LRIG1: variants seen among roughly 807,000 people sequenced by gnomAD.
LRIG1 encodes leucine-rich repeats and immunoglobulin-like domains protein 1.
Under a neutral mutation model 99.2 loss-of-function variants are expected in LRIG1, and 48 were observed. The ratio of observed to expected loss-of-function variants is 0.48; its 90% CI spans 0.38 to 0.62. The LOEUF is 0.62. LRIG1 is among the 20% of genes least tolerant of loss of function. The pLI is 0.00. For synonymous variants in LRIG1, 772 were observed against 596.1 expected (o/e 1.29, Z -4.30); for missense variants, 1,646 against 1,434.4 (o/e 1.15, Z -2.38).
intron 1 of LRIG1, among the ~76,000 whole-genome samples, chr3:66,467,337 G>T (rs191923680): frequency 6.7e-6 from 1 of 150,102 alleles, no homozygotes; most frequent in East Asian, 1.9e-4. Flanking sequence ...TAAGAATTCA[G>T]TTCCTTGGCC....
At chr3:66,449,860 C>T (rs755823246) in intron 3 of LRIG1, among the ~76,000 whole-genome samples, 1 of 152,188 alleles carries the variant, frequency 6.6e-6, no homozygotes, top group Non-Finnish European at 1.5e-5. Context: ...AACTTGAACT[C>T]GTGGACAAAC....
intron 8 of LRIG1, chr3:66,406,239 TCTC>T (rs1390139304): frequency 6.1e-6 from 6 of 985,216 alleles, no homozygotes; most frequent in African/African-American, 3.5e-5. Flanking sequence ...GGAAGGGACT[TCTC>T]CTCTCAATGG....
intron 12 of LRIG1, 60 bp from the exon 13 acceptor site, chr3:66,386,361 G>T: frequency 7.1e-7 from 1 of 1,401,244 alleles, no homozygotes; most frequent in Admixed American, 1.8e-5. Flanking sequence ...GGAACCAGCT[G>T]CTGTTCATGC....
intron 3 of LRIG1, among the ~76,000 whole-genome samples, chr3:66,441,126 G>A (rs1703524815): frequency 6.6e-6 from 1 of 152,154 alleles, no homozygotes; most frequent in East Asian, 1.9e-4. Flanking sequence ...AGCTAGTTGG[G>A]CAGAAGCCAG....
At chr3:66,390,198 G>A (rs994096041) in intron 12 of LRIG1, among the ~76,000 whole-genome samples, 2 of 151,962 alleles carry the variant, frequency 1.3e-5, no homozygotes, top group Non-Finnish European at 2.9e-5. Context: ...CAAATGACAT[G>A]ATGATCACAT....
chr3:66,405,588 C>T (rs928838430), intron 8 of LRIG1, among the ~76,000 whole-genome samples: 4 of 152,198 alleles, frequency 2.6e-5, no homozygotes, highest in Non-Finnish European at 4.4e-5. Context: ...CCCGAGAGAG[C>T]GGACATCTGG....
chr3:66,388,394 C>CATACAAAT (rs1701483957), intron 12 of LRIG1, among the ~76,000 whole-genome samples: 1 of 151,632 alleles, frequency 6.6e-6, no homozygotes, highest in Non-Finnish European at 1.5e-5. Flanking sequence ...AGCACAACAA[C>CATACAAAT]ATACAAATCA....
At chr3:66,403,772 G>T (rs1559779728) in intron 9 of LRIG1, among the ~76,000 whole-genome samples, 2 of 152,310 alleles carry the variant, frequency 1.3e-5, no homozygotes, top group East Asian at 3.9e-4. Flanking sequence ...CCTCCGGACT[G>T]ACACGCCCCA....
intron 13 of LRIG1, among the ~76,000 whole-genome samples, chr3:66,385,522 G>A (rs1459782797): frequency 2.0e-5 from 3 of 151,974 alleles, no homozygotes; most frequent in Admixed American, 6.6e-5. Flanking sequence ...GAGTGATCTC[G>A]GCTCACTGCA....
chr3:66,424,834 G>C (rs905677495), intron 3 of LRIG1, among the ~76,000 whole-genome samples: 2 of 152,152 alleles, frequency 1.3e-5, no homozygotes, highest in African/African-American at 4.8e-5. Flanking sequence ...TTTCCACTCA[G>C]TGTTCAATAA....
chr3:66,428,464 G>T (rs1703052460), intron 3 of LRIG1, among the ~76,000 whole-genome samples: 2 of 151,808 alleles, frequency 1.3e-5, no homozygotes, highest in Admixed American at 1.3e-4. Context: ...ATAAGTGAGG[G>T]CCTAATGATC....
chr3:66,420,394 GA>G (rs1702763970), intron 3 of LRIG1, among the ~76,000 whole-genome samples: 1 of 152,180 alleles, frequency 6.6e-6, no homozygotes, highest in Admixed American at 6.5e-5. Context: ...ACCTGCAGAA[GA>G]AGACATTATG....
At position 66,407,491 on chromosome 3, in the gene LRIG1, C is replaced by G; in HGVS notation, c.936G>C (p.Leu312Phe). ...GWSFCQKLHE[L>F]VLSFNNLTRL... ...GTGTCAGGTTGTTGAAGGACAGGAC[C>G]CTGAGGAAAGGGAGGGCAGCAATGT... is the stretch of plus-strand genomic sequence containing the variant. Residue 312 changes from leucine (L) to phenylalanine (F), a missense_variant and splice_region_variant, in exon 8 of 19, where the codon TTG (leucine) becomes TTC (phenylalanine). Coordinates refer to ENST00000273261, the MANE Select transcript of LRIG1 (RefSeq NM_015541.3). 6.2e-7 allele frequency: 1 copy of G among 1,613,816 alleles called. No individual in the cohort carries two copies. Among genetic ancestry groups the G allele is most frequent in the African/African-American group, 1.3e-5 (1 of 75,030 alleles).
chr3:66,418,497 C>T (rs371053513), intron 3 of LRIG1, among the ~76,000 whole-genome samples: 4 of 152,334 alleles, frequency 2.6e-5, no homozygotes, highest in South Asian at 4.1e-4. Flanking sequence ...GGTAGCTAAC[C>T]GCCCTGTTGT....
intron 1 of LRIG1, among the ~76,000 whole-genome samples, chr3:66,486,813 T>C (rs1700985405): frequency 6.6e-6 from 1 of 152,226 alleles, no homozygotes; most frequent in South Asian, 2.1e-4. Flanking sequence ...ACACTGTAAC[T>C]TTACGCTTTT....
At chr3:66,460,030 C>A (rs574847624) in intron 2 of LRIG1, among the ~76,000 whole-genome samples, 1 of 151,450 alleles carries the variant, frequency 6.6e-6, no homozygotes, top group East Asian at 1.9e-4. Context: ...ATCAAAATAC[C>A]CTTTATCTTG....
In LRIG1 at chr3:66,415,077, G is replaced by C. The variant is rs1291504094; in HGVS notation, c.504-14C>G. 3.8e-6 allele frequency: 6 copies of C among 1,585,176 alleles called. No homozygotes were observed. Among genetic ancestry groups the C allele is most frequent in the African/African-American group, 2.7e-5 (2 of 73,782 alleles). On this transcript the variant is annotated splice_polypyrimidine_tract_variant and intron_variant, in intron 4 of 18. Coordinates refer to ENST00000273261, the MANE Select transcript of LRIG1 (RefSeq NM_015541.3). ...CCTGCCAGGTTGCTGGAATGATTCAGAAAAGAAAATGTGGTGGTTGGTCAA... is the reference window on the plus strand; with the variant it reads ...CCTGCCAGGTTGCTGGAATGATTCACAAAAGAAAATGTGGTGGTTGGTCAA...
At chr3:66,468,435 G>A (rs114414927) in intron 1 of LRIG1, among the ~76,000 whole-genome samples, 3,052 of 152,310 alleles carry the variant, frequency 0.02, 44 homozygotes, top group Middle Eastern at 0.058. Context: ...ATTCCCTGAA[G>A]AATGAGGTTT....
At chr3:66,407,279 C>T in intron 8 of LRIG1, 69 bp downstream of exon 8, 1 of 1,544,468 alleles carries the variant, frequency 6.5e-7, no homozygotes, top group East Asian at 2.3e-5. Context: ...TTCAACAAAG[C>T]AGATGGTTTG....
Sources: allele counts gnomAD v4.1 joint callset (sites outside exome capture counted in the v4.1 genomes callset), GRCh38; gene constraint gnomAD v4.1.1; transcripts MANE v1.5; gene names NCBI Gene and HGNC (gene_info 2026-07-23, HGNC 2026-07-21).